Variants in CDK14 observed in about 807,000 individuals in gnomAD.
The protein encoded by CDK14 is cyclin-dependent kinase 14.
Under a neutral mutation model 60.7 loss-of-function variants are expected in CDK14, and 34 were observed. The observed-to-expected ratio is 0.56, with a 90% CI of 0.43 to 0.75. CDK14 has a LOEUF of 0.75. Ranked by LOEUF, CDK14 falls within the 30% of genes least tolerant of loss-of-function variation. CDK14 has a pLI of 0.00. For synonymous variants in CDK14, 197 were observed against 203.7 expected (o/e 0.97, Z 0.28); for missense variants, 482 against 564.1 (o/e 0.85, Z 1.47).
chr7:90,952,226 C>G (rs1168914741), intron 8 of CDK14, among the ~76,000 whole-genome samples: 1 of 152,074 alleles, frequency 6.6e-6, no homozygotes, highest in Admixed American at 6.5e-5. Context: ...AATGGCTGGT[C>G]TGCGTAGGGA....
At chr7:90,828,856 A>C (rs527583599) in intron 5 of CDK14, among the ~76,000 whole-genome samples, 63 of 152,352 alleles carry the variant, frequency 4.1e-4, no homozygotes, top group Non-Finnish European at 7.5e-4. Context: ...GGTTTTTCAC[A>C]AAAGTTTCAT....
At chr7:90,899,761 T>G (rs1038514491) in intron 7 of CDK14, among the ~76,000 whole-genome samples, 9 of 152,118 alleles carry the variant, frequency 5.9e-5, no homozygotes. Flanking sequence ...AGTGCATGTC[T>G]TTTTATTTCT....
intron 5 of CDK14, among the ~76,000 whole-genome samples, chr7:90,822,163 A>G (rs1231734466): frequency 6.6e-6 from 1 of 152,238 alleles, no homozygotes; most frequent in African/African-American, 2.4e-5. Context: ...TATTTTTGGC[A>G]GTATCTAGCA....
intron 9 of CDK14, among the ~76,000 whole-genome samples, chr7:90,983,578 G>A (rs1197574561): frequency 6.6e-6 from 1 of 151,922 alleles, no homozygotes; most frequent in African/African-American, 2.4e-5. Flanking sequence ...TACTCGGGAG[G>A]CTGAGACAGG....
chr7:90,966,430 A>G (rs1794752831), intron 9 of CDK14, among the ~76,000 whole-genome samples: 1 of 152,308 alleles, frequency 6.6e-6, no homozygotes, highest in Admixed American at 6.5e-5. Flanking sequence ...TCTGGTTGGG[A>G]GATCCTCAGA....
intron 5 of CDK14, among the ~76,000 whole-genome samples, chr7:90,801,767 G>A (rs1434768012): frequency 6.6e-6 from 1 of 152,024 alleles, no homozygotes; most frequent in Non-Finnish European, 1.5e-5. Flanking sequence ...TCCCATAAGA[G>A]CCTTTTTTTA....
chr7:90,899,488 C>A, intron 7 of CDK14, 135 bp downstream of exon 7: 1 of 501,208 alleles, frequency 2.0e-6, no homozygotes, highest in Non-Finnish European at 3.4e-6. Flanking sequence ...TTGAGGTGAA[C>A]CAGTCATTGC....
At chr7:90,911,454 C>T (rs1339644881) in intron 7 of CDK14, among the ~76,000 whole-genome samples, 1 of 152,100 alleles carries the variant, frequency 6.6e-6, no homozygotes, top group Non-Finnish European at 1.5e-5. Context: ...TGGTAGGACC[C>T]ATTGCTAATG....
At chr7:90,703,126 T>A (rs1801825367) in intron 2 of CDK14, among the ~76,000 whole-genome samples, 1 of 152,116 alleles carries the variant, frequency 6.6e-6, no homozygotes, top group Admixed American at 6.6e-5. Flanking sequence ...GTAGCCTCTG[T>A]CCTCAATGGC....
intron 4 of CDK14, among the ~76,000 whole-genome samples, chr7:90,779,797 C>A (rs998953866): frequency 2.0e-5 from 3 of 152,078 alleles, no homozygotes; most frequent in African/African-American, 7.2e-5. Flanking sequence ...AAACACATGA[C>A]AATACTATAT....
At chr7:90,782,414 C>A (rs1437768416) in intron 4 of CDK14, among the ~76,000 whole-genome samples, 5 of 152,142 alleles carry the variant, frequency 3.3e-5, no homozygotes, top group African/African-American at 4.8e-5. Context: ...TTATTTCCTT[C>A]TCCTGCCTAA....
At position 91,036,079 on chromosome 7, in the gene CDK14, G is replaced by A. The variant is rs554230607; in HGVS notation, c.1042-9818G>A. Reference sequence around the variant, plus strand: ...AGGATGGTCTCGATCTCCTGACCTCGTGATCCACCCGCCTCGGCCTCCCAA... The same window carrying A: ...AGGATGGTCTCGATCTCCTGACCTCATGATCCACCCGCCTCGGCCTCCCAA... On this transcript the variant is annotated intron_variant, in intron 10 of 14. Transcript: ENST00000380050. 1.8e-3 allele frequency among the ~76,000 whole-genome samples: 267 copies of A among 152,212 alleles called. 1 individual carries two copies. Among genetic ancestry groups the A allele is most frequent in the African/African-American group, 4.4e-3 (183 of 41,526 alleles).
chr7:90,680,652 G>T (rs1001872650), intron 2 of CDK14, among the ~76,000 whole-genome samples: 66 of 152,264 alleles, frequency 4.3e-4, no homozygotes, highest in African/African-American at 1.4e-3. Context: ...TGCATGTCTC[G>T]TTGTCATCAC....
intron 10 of CDK14, among the ~76,000 whole-genome samples, chr7:91,033,218 G>A (rs1796813762): frequency 1.3e-5 from 2 of 152,184 alleles, no homozygotes; most frequent in African/African-American, 2.4e-5. Context: ...GCTGTTAAAG[G>A]TAGAAGAGCA....
chr7:91,084,815 G>T (rs377140831), intron 12 of CDK14, among the ~76,000 whole-genome samples: 124 of 152,260 alleles, frequency 8.1e-4, no homozygotes, highest in African/African-American at 2.8e-3. Flanking sequence ...TTCAGATTAC[G>T]TGTTGGACTC....
chr7:90,617,773 T>C (rs145398603), intron 2 of CDK14, among the ~76,000 whole-genome samples: 429 of 152,292 alleles, frequency 2.8e-3, no homozygotes, highest in Middle Eastern at 0.014. Context: ...TTTGGTGAGA[T>C]GTAAACTTGA....
At chr7:90,703,345 G>A (rs1160144918) in intron 2 of CDK14, among the ~76,000 whole-genome samples, 1 of 151,966 alleles carries the variant, frequency 6.6e-6, no homozygotes, top group Non-Finnish European at 1.5e-5. Flanking sequence ...TTTTACATCC[G>A]GATCTTCTCC....
chr7:91,201,699 T>G (rs1401040196), intron 14 of CDK14, among the ~76,000 whole-genome samples: 1 of 152,154 alleles, frequency 6.6e-6, no homozygotes, highest in Non-Finnish European at 1.5e-5. Context: ...GTGGTGTGTG[T>G]GTGTATGTAC....
chr7:90,874,095 G>A (rs992201532), intron 6 of CDK14, among the ~76,000 whole-genome samples: 6 of 152,122 alleles, frequency 3.9e-5, no homozygotes, highest in Admixed American at 1.3e-4. Flanking sequence ...TCTGCCTGGT[G>A]TATCTTTCCT....
Sources: gnomAD v4.1 joint callset for allele counts (sites outside exome capture counted in the v4.1 genomes callset) on GRCh38, gnomAD v4.1.1 for gene constraint, MANE v1.5 for transcripts, NCBI Gene and HGNC (gene_info 2026-07-23, HGNC 2026-07-21) for gene names.